The following RNF169 variants were observed in gnomAD, a reference collection of about 807,000 sequenced individuals.
RNF169 encodes the protein E3 ubiquitin-protein ligase RNF169.
In RNF169, 24 loss-of-function variants were observed where a neutral mutation model predicts 53.9. The observed-to-expected ratio is 0.45, with a 90% confidence interval of 0.32 to 0.63. The LOEUF is 0.63. Ranked by LOEUF, RNF169 falls within the 20% of genes least tolerant of loss-of-function variation. RNF169 has a pLI of 0.04. For missense variants in RNF169, 883 were observed against 906.2 expected (o/e 0.97, Z 0.33); for synonymous variants, 396 against 363.5 (o/e 1.09, Z -1.02).
At chr11:74,792,409 CT>C (rs368029643) in intron 2 of RNF169, among the ~76,000 whole-genome samples, 8 of 148,606 alleles carry the variant, frequency 5.4e-5, no homozygotes, top group African/African-American at 7.4e-5. Flanking sequence ...AGTAGGGTTT[CT>C]TTTTTTTTTG....
chr11:74,809,164 T>C (rs1044975254), intron 2 of RNF169, among the ~76,000 whole-genome samples: 3 of 152,112 alleles, frequency 2.0e-5, no homozygotes, highest in African/African-American at 7.2e-5. Flanking sequence ...CTATCAAAAA[T>C]ATCCATTTGT....
intron 4 of RNF169, 29 bp downstream of exon 4, chr11:74,817,743 G>A: frequency 7.1e-7 from 1 of 1,416,918 alleles, no homozygotes; most frequent in Non-Finnish European, 1.0e-6. Flanking sequence ...ATTCAGTCAG[G>A]GGTCTTTGGT....
intron 4 of RNF169, among the ~76,000 whole-genome samples, chr11:74,826,533 G>C (rs2135141090): frequency 6.6e-6 from 1 of 152,266 alleles, no homozygotes; most frequent in South Asian, 2.1e-4. Context: ...CAAATATCAT[G>C]TCCTCACTTT....
chr11:74,795,234 T>C lies in RNF169; in HGVS notation c.576+5535T>C, dbSNP rs202128121. On this transcript the variant is annotated intron_variant, in intron 2 of 5. Coordinates refer to ENST00000299563, the MANE Select transcript of RNF169 (RefSeq NM_001098638.2). ...TGTAGATACTCTTTTTTTTTTTTTT[T>C]TTTGAGACAGGGTCTCACTCTATCA... Among the ~76,000 whole-genome samples the C allele has an allele frequency of 5.7e-4, 86 of 151,386 alleles. 1 individual carries two copies. The East Asian group carries it at 0.015, about 27-fold the overall frequency.
intron 4 of RNF169, among the ~76,000 whole-genome samples, chr11:74,834,151 A>G (rs961180599): frequency 1.3e-5 from 2 of 152,204 alleles, no homozygotes; most frequent in African/African-American, 4.8e-5. Flanking sequence ...TAAACCTCTG[A>G]AATCACTAGG....
At chr11:74,761,837 C>T (rs2035088361) in intron 1 of RNF169, among the ~76,000 whole-genome samples, 1 of 145,152 alleles carries the variant, frequency 6.9e-6, no homozygotes, top group Non-Finnish European at 1.5e-5. Context: ...TTTCCTGAAT[C>T]TGAACGTTGG....
At chr11:74,778,595 A>C (rs1378762822) in intron 1 of RNF169, among the ~76,000 whole-genome samples, 1 of 152,208 alleles carries the variant, frequency 6.6e-6, no homozygotes, top group Non-Finnish European at 1.5e-5. Flanking sequence ...GGGGCTTTAC[A>C]TACAGGGAGA....
At chr11:74,799,976 G>A (rs1051452789) in intron 2 of RNF169, among the ~76,000 whole-genome samples, 6 of 149,540 alleles carry the variant, frequency 4.0e-5, no homozygotes, top group African/African-American at 9.9e-5. Flanking sequence ...TTAGCATCTC[G>A]TATGAAGTTT....
At position 74,838,996 on chromosome 11, in the gene RNF169, G is replaced by A. The variant is rs182843669; in HGVS notation, c.*2266G>A. 1.3e-5 allele frequency: 2 copies of A among 151,842 alleles called. No homozygotes were observed. The highest frequency in any genetic ancestry group is 1.9e-4 in the East Asian group (1 of 5,180). 9.4% of individuals were successfully genotyped at this position (151,842 alleles called of 1,614,324 possible). On this transcript the variant is annotated 3_prime_UTR_variant, in exon 6 of 6. Coordinates refer to ENST00000299563, the MANE Select transcript of RNF169 (RefSeq NM_001098638.2). Reference sequence around the variant, plus strand: ...TCAGTTGGAATTGATTTTTGTCTTTGGTAAAAAGAAATATTTTTAATAGAT... The same window carrying A: ...TCAGTTGGAATTGATTTTTGTCTTTAGTAAAAAGAAATATTTTTAATAGAT...
At chr11:74,816,663 C>T (rs534114981) in intron 3 of RNF169, among the ~76,000 whole-genome samples, 7 of 152,146 alleles carry the variant, frequency 4.6e-5, no homozygotes, top group Admixed American at 6.5e-5. Flanking sequence ...AGAGCAGAGA[C>T]GGAATTTTAG....
At chr11:74,794,188 C>T (rs1472349376) in intron 2 of RNF169, among the ~76,000 whole-genome samples, 2 of 152,174 alleles carry the variant, frequency 1.3e-5, no homozygotes, top group African/African-American at 4.8e-5. Flanking sequence ...AACTAGCTGC[C>T]TCTGTCTCCT....
chr11:74,785,160 T>TATATATATATATG (rs759980421), intron 1 of RNF169, among the ~76,000 whole-genome samples: 23 of 127,638 alleles, frequency 1.8e-4, no homozygotes, highest in African/African-American at 5.5e-4. Flanking sequence ...TGTATTTTTA[T>TATATATATATATG]ATATATATAT....
At chr11:74,769,874 C>A (rs1304878341) in intron 1 of RNF169, among the ~76,000 whole-genome samples, 1 of 152,190 alleles carries the variant, frequency 6.6e-6, no homozygotes, top group Non-Finnish European at 1.5e-5. Context: ...TGGCACATTA[C>A]AGCCTCTACT....
intron 1 of RNF169, among the ~76,000 whole-genome samples, chr11:74,784,618 GA>G (rs1277861801): frequency 1.3e-5 from 2 of 152,228 alleles, no homozygotes; most frequent in African/African-American, 4.8e-5. Context: ...GAGACTTAGT[GA>G]TTGGGGTTTA....
intron 1 of RNF169, among the ~76,000 whole-genome samples, chr11:74,749,771 C>T (rs2034857750): frequency 6.6e-6 from 1 of 152,032 alleles, no homozygotes; most frequent in African/African-American, 2.4e-5. Context: ...GATGTGGCTC[C>T]TGGCCTTGAA....
At position 74,772,315 on chromosome 11, in the gene RNF169, G is replaced by A. The variant is rs535835276; in HGVS notation, c.503-17311G>A. On this transcript the variant is annotated intron_variant, in intron 1 of 5. Coordinates refer to ENST00000299563, the MANE Select transcript of RNF169 (RefSeq NM_001098638.2). ...ACCGTGACAAAGCTGCTTAATTAAC[G>A]TCCTTGAGAGGTTTCTGTTTTCTGG... Among the ~76,000 whole-genome samples the A allele has an allele frequency of 9.2e-5, 14 of 152,174 alleles. No individual in the cohort carries two copies. The East Asian group carries it at 1.2e-3, about 13-fold the overall frequency.
At chr11:74,767,553 T>A (rs1309601430) in intron 1 of RNF169, among the ~76,000 whole-genome samples, 1 of 151,860 alleles carries the variant, frequency 6.6e-6, no homozygotes, top group Non-Finnish European at 1.5e-5. Context: ...CACGTCTGGA[T>A]AATTCTTTTT....
At chr11:74,776,074 C>T (rs2035328877) in intron 1 of RNF169, among the ~76,000 whole-genome samples, 2 of 152,134 alleles carry the variant, frequency 1.3e-5, no homozygotes, top group South Asian at 4.1e-4. Flanking sequence ...TTACTGTCTT[C>T]CCATCTGAGC....
Position 74,768,279 on chromosome 11 carries a change from A to AG in RNF169, c.502+18898dup, listed in dbSNP as rs761266840. ...TTCATGGGTGGTTAGCTAACCTTAG[A>AG]GAAAAAAATAGATCTTTAGCACCAT... On this transcript the variant is annotated intron_variant, in intron 1 of 5. Coordinates refer to ENST00000299563, the MANE Select transcript of RNF169 (RefSeq NM_001098638.2). Among the ~76,000 whole-genome samples, 5 of 152,332 alleles carry AG rather than the reference A, an allele frequency of 3.3e-5. No homozygotes were observed. In the East Asian group the frequency reaches 9.6e-4, roughly 29 times the overall value.
Sources: gnomAD v4.1 joint callset for allele counts (sites outside exome capture counted in the v4.1 genomes callset) on GRCh38, gnomAD v4.1.1 for gene constraint, MANE v1.5 for transcripts, NCBI Gene and HGNC (gene_info 2026-07-23, HGNC 2026-07-21) for gene names.